The following LRMDA variants were observed in gnomAD, a reference collection of about 807,000 sequenced individuals.
LRMDA encodes leucine rich melanocyte differentiation associated.
A neutral mutation model predicts 29.8 loss-of-function variants in LRMDA; 18 were observed. The observed-to-expected ratio is 0.60, with a 90% CI of 0.42 to 0.90. LRMDA has a LOEUF of 0.90. Among genes scored for constraint, LRMDA ranks in the 40% least tolerant of loss-of-function variants. The probability of loss-of-function intolerance (pLI) is 0.00; values close to 1 mark genes in which losing one functional copy is unlikely to be tolerated. For missense variants in LRMDA, 273 were observed against 273.9 expected, an observed-to-expected ratio of 1.00 and a Z score of 0.02; for synonymous variants, 125 against 109.4, an observed-to-expected ratio of 1.14 and a Z score of -0.89.
intron 6 of LRMDA, among the ~76,000 whole-genome samples, chr10:76,421,838 G>A (rs555838978): frequency 2.0e-5 from 3 of 152,132 alleles, no homozygotes; most frequent in Non-Finnish European, 2.9e-5. Flanking sequence ...TTGTCTCTTC[G>A]TATGCCACAT....
chr10:75,761,869 T>C (rs1221971898), intron 2 of LRMDA, among the ~76,000 whole-genome samples: 1 of 151,524 alleles, frequency 6.6e-6, no homozygotes, highest in Non-Finnish European at 1.5e-5. Context: ...AGTGGTATCT[T>C]GGCTCACTGC....
intron 5 of LRMDA, among the ~76,000 whole-genome samples, chr10:76,116,128 A>G (rs947875551): frequency 2.6e-5 from 4 of 152,090 alleles, no homozygotes; most frequent in African/African-American, 7.2e-5. Context: ...CTGTGTAAGC[A>G]TGAGTGTTTG....
intron 6 of LRMDA, among the ~76,000 whole-genome samples, chr10:76,532,678 AT>A (rs1403895917): frequency 2.0e-5 from 3 of 152,134 alleles, no homozygotes; most frequent in Admixed American, 2.0e-4. Context: ...ATGGCATTTT[AT>A]TTGGGCCTTG....
At chr10:75,465,310 G>A (rs546091657) in intron 2 of LRMDA, among the ~76,000 whole-genome samples, 3 of 152,298 alleles carry the variant, frequency 2.0e-5, no homozygotes, top group African/African-American at 4.8e-5. Context: ...CAGAGTATAC[G>A]TGTGTCCTTG....
intron 5 of LRMDA, among the ~76,000 whole-genome samples, chr10:76,180,811 T>A (rs1851034535): frequency 6.6e-6 from 1 of 152,204 alleles, no homozygotes; most frequent in Admixed American, 6.5e-5. Context: ...ATGTATCTTA[T>A]TTGGAATCTC....
intron 2 of LRMDA, among the ~76,000 whole-genome samples, chr10:76,020,958 G>C (rs570004175): frequency 2.0e-5 from 3 of 152,144 alleles, no homozygotes; most frequent in Non-Finnish European, 4.4e-5. Flanking sequence ...TTTTCAAGCT[G>C]CCTTCAGATA....
At position 75,900,124 on chromosome 10, in the gene LRMDA, T is replaced by C. The variant is rs534068090; in HGVS notation, c.132-135884T>C. Among the ~76,000 whole-genome samples, 9 of 152,332 alleles carry C rather than the reference T, an allele frequency of 5.9e-5. No homozygotes were observed. The South Asian group carries it at 1.5e-3, about 25-fold the overall frequency. On this transcript the variant is annotated intron_variant, in intron 2 of 6. Transcript: ENST00000611255. ...GAGTAAGAATGGTATAATTACTGAT[T>C]GTATACCAGAAGCGGACATATTTAT...
chr10:75,737,075 A>ACACG (rs1166327570), intron 2 of LRMDA, among the ~76,000 whole-genome samples: 1 of 151,492 alleles, frequency 6.6e-6, no homozygotes, highest in Non-Finnish European at 1.5e-5. Flanking sequence ...ACACACACAC[A>ACACG]CACGCACATG....
chr10:75,621,209 CA>C (rs1841178899), intron 2 of LRMDA, among the ~76,000 whole-genome samples: 1 of 120,504 alleles, frequency 8.3e-6, no homozygotes, highest in Non-Finnish European at 1.9e-5. Flanking sequence ...TACACACACA[CA>C]CACACACACA....
chr10:76,436,641 A>G (rs1026847547), intron 6 of LRMDA, among the ~76,000 whole-genome samples: 1 of 152,186 alleles, frequency 6.6e-6, no homozygotes, highest in African/African-American at 2.4e-5. Context: ...AGGGAAGGGA[A>G]ATCCACCCCT....
Position 76,111,975 on chromosome 10 carries a change from G to C in LRMDA, c.516+53192G>C, listed in dbSNP as rs541476308. ...ATTAAAACCTTACCTGTCAAACCCA[G>C]TATGGCTACATTTGAAAATCTTTAA... On this transcript the variant is annotated intron_variant, in intron 5 of 6. Transcript: ENST00000611255. Among the ~76,000 whole-genome samples the C allele has an allele frequency of 2.1e-3, 326 of 152,326 alleles. 2 individuals are homozygous for C. Among genetic ancestry groups the C allele is most frequent in the African/African-American group, 7.3e-3 (303 of 41,580 alleles).
chr10:76,291,621 T>C (rs964031696), intron 5 of LRMDA, among the ~76,000 whole-genome samples: 1 of 152,200 alleles, frequency 6.6e-6, no homozygotes, highest in Non-Finnish European at 1.5e-5. Context: ...TTAGCATTAA[T>C]GCTCTTAAGT....
intron 6 of LRMDA, among the ~76,000 whole-genome samples, chr10:76,327,074 G>C (rs936346750): frequency 2.0e-5 from 3 of 149,368 alleles, no homozygotes; most frequent in Non-Finnish European, 4.4e-5. Context: ...CTGAGAGGCA[G>C]CAGTAAGTCC....
At chr10:75,811,193 A>G (rs1295085646) in intron 2 of LRMDA, among the ~76,000 whole-genome samples, 1 of 152,186 alleles carries the variant, frequency 6.6e-6, no homozygotes, top group Admixed American at 6.5e-5. Flanking sequence ...CCAAGGCCCC[A>G]AAGTGTCAGC....
At chr10:76,378,684 T>G (rs1407041487) in intron 6 of LRMDA, among the ~76,000 whole-genome samples, 5 of 152,098 alleles carry the variant, frequency 3.3e-5, no homozygotes, top group African/African-American at 1.2e-4. Context: ...TGAATCACAT[T>G]TATTGATTTG....
intron 2 of LRMDA, among the ~76,000 whole-genome samples, chr10:75,622,151 T>C (rs967318152): frequency 6.6e-6 from 1 of 152,180 alleles, no homozygotes; most frequent in Non-Finnish European, 1.5e-5. Flanking sequence ...CATACATGTG[T>C]GCATTTAATT....
At chr10:76,186,417 A>G (rs1851151211) in intron 5 of LRMDA, among the ~76,000 whole-genome samples, 1 of 152,244 alleles carries the variant, frequency 6.6e-6, no homozygotes, top group Admixed American at 6.5e-5. Context: ...TTGGCCATGC[A>G]AATAACATGT....
chr10:76,397,755 A>C (rs778289090), intron 6 of LRMDA, among the ~76,000 whole-genome samples: 4 of 152,148 alleles, frequency 2.6e-5, no homozygotes, highest in Non-Finnish European at 5.9e-5. Flanking sequence ...CCCCTGCAGG[A>C]TGTCGGAGAA....
At chr10:75,909,897 G>A (rs111880844) in intron 2 of LRMDA, among the ~76,000 whole-genome samples, 24 of 152,256 alleles carry the variant, frequency 1.6e-4, no homozygotes, top group African/African-American at 5.8e-4. Context: ...AAAGAATGCT[G>A]GAAACGACTT....
Sources: allele counts gnomAD v4.1 joint callset (sites outside exome capture counted in the v4.1 genomes callset), GRCh38; gene constraint gnomAD v4.1.1; transcripts MANE v1.5; gene names NCBI Gene and HGNC (gene_info 2026-07-23, HGNC 2026-07-21).